The following LYPLAL1 variants were observed in gnomAD, a reference collection of about 807,000 sequenced individuals.
LYPLAL1 encodes the protein lysophospholipase-like protein 1.
Under a neutral mutation model 19.7 loss-of-function variants are expected in LYPLAL1, and 23 were observed. The ratio of observed to expected loss-of-function variants is 1.17; its 90% CI spans 0.84 to 1.65. The LOEUF (loss-of-function observed/expected upper bound fraction) is 1.65, where lower values mean the gene tolerates loss of function less well. Among genes scored for constraint, LYPLAL1 ranks in the 40% most tolerant of loss-of-function variants. LYPLAL1 has a pLI of 0.00. For missense variants in LYPLAL1, 355 were observed against 279.4 expected (o/e 1.27, Z -1.93); for synonymous variants, 119 against 96.3 (o/e 1.24, Z -1.38).
At chr1:219,318,922 T>A in the LYPLAL1 span, among the ~76,000 whole-genome samples, 1 of 152,216 alleles carries the variant, frequency 6.6e-6, no homozygotes, top group African/African-American at 2.4e-5. Flanking sequence ...AACCCTGTTT[T>A]TCTTTCCGGG....
chr1:219,397,644 GGTGTCAC>G, the LYPLAL1 span, among the ~76,000 whole-genome samples: 1 of 151,998 alleles, frequency 6.6e-6, no homozygotes, highest in Non-Finnish European at 1.5e-5. Flanking sequence ...GTTGCTTTAT[GGTGTCAC>G]TGGTTCATGT....
At chr1:219,225,654 T>C in the LYPLAL1 span, among the ~76,000 whole-genome samples, 1 of 152,176 alleles carries the variant, frequency 6.6e-6, no homozygotes, top group African/African-American at 2.4e-5. Context: ...TTATTTCCCA[T>C]GTGCCCTGAG....
chr1:219,277,832 T>C, the LYPLAL1 span, among the ~76,000 whole-genome samples: 1 of 152,220 alleles, frequency 6.6e-6, no homozygotes, highest in African/African-American at 2.4e-5. Context: ...TGAAAATTAA[T>C]TCAATTCACT....
chr1:219,418,436 T>C, the LYPLAL1 span, among the ~76,000 whole-genome samples: 212 of 152,328 alleles, frequency 1.4e-3, no homozygotes, highest in Non-Finnish European at 2.6e-3. Flanking sequence ...TAGCCCATCC[T>C]AGTGGTTCTG....
the LYPLAL1 span, among the ~76,000 whole-genome samples, chr1:219,247,717 G>T: frequency 2.0e-5 from 3 of 152,128 alleles, no homozygotes; most frequent in Non-Finnish European, 4.4e-5. Context: ...CTTAGGAGAG[G>T]CACCATGTTT....
the LYPLAL1 span, among the ~76,000 whole-genome samples, chr1:219,411,014 C>T: frequency 6.6e-6 from 1 of 152,242 alleles, no homozygotes; most frequent in Non-Finnish European, 1.5e-5. Flanking sequence ...TCCCATCAAC[C>T]ACCCAAGGGC....
At chr1:219,309,361 T>C in the LYPLAL1 span, among the ~76,000 whole-genome samples, 2 of 152,166 alleles carry the variant, frequency 1.3e-5, 1 homozygote, top group African/African-American at 4.8e-5. Context: ...CTGTGGACTT[T>C]TGGGTCAATG....
the LYPLAL1 span, among the ~76,000 whole-genome samples, chr1:219,309,061 C>T: frequency 1.3e-5 from 2 of 152,218 alleles, no homozygotes; most frequent in South Asian, 2.1e-4. Flanking sequence ...GAACCCACCT[C>T]TTGCATCAGC....
chr1:219,439,189 T>C, the LYPLAL1 span, among the ~76,000 whole-genome samples: 1 of 152,142 alleles, frequency 6.6e-6, no homozygotes, highest in Admixed American at 6.6e-5. Context: ...GCCTCACTGC[T>C]TCATAGGTAC....
At chr1:219,382,307 T>C in the LYPLAL1 span, among the ~76,000 whole-genome samples, 3 of 152,222 alleles carry the variant, frequency 2.0e-5, no homozygotes, top group Non-Finnish European at 4.4e-5. Flanking sequence ...AGACTCATGG[T>C]GAAGAAAAGC....
the LYPLAL1 span, among the ~76,000 whole-genome samples, chr1:219,236,259 G>A: frequency 6.6e-6 from 1 of 152,118 alleles, no homozygotes; most frequent in Admixed American, 6.5e-5. Flanking sequence ...GAAGAGGAGA[G>A]GCTAAGTTTT....
At chr1:219,399,747 C>T in the LYPLAL1 span, among the ~76,000 whole-genome samples, 1 of 152,142 alleles carries the variant, frequency 6.6e-6, no homozygotes, top group African/African-American at 2.4e-5. Flanking sequence ...GAGGCCAGGA[C>T]TAAGGGGTGC....
intron 3 of LYPLAL1, among the ~76,000 whole-genome samples, chr1:219,199,442 CTTT>C (rs796698708): frequency 6.9e-6 from 1 of 144,034 alleles, no homozygotes; most frequent in Non-Finnish European, 1.5e-5. Flanking sequence ...TAATACTGAT[CTTT>C]TTTTTTTTTT....
At chr1:219,435,293 G>A in the LYPLAL1 span, 1 of 152,174 alleles carries the variant, frequency 6.6e-6, no homozygotes, top group Non-Finnish European at 1.5e-5. Flanking sequence ...ATGCCACTAA[G>A]GACCCAGAAC....
chr1:219,243,767 A>G, the LYPLAL1 span, among the ~76,000 whole-genome samples: 1 of 151,926 alleles, frequency 6.6e-6, no homozygotes, highest in African/African-American at 2.4e-5. Flanking sequence ...AAAATACAAA[A>G]AATTAGCTGG....
chr1:219,179,774 G>A (rs1273720988), intron 2 of LYPLAL1, among the ~76,000 whole-genome samples: 7 of 152,122 alleles, frequency 4.6e-5, no homozygotes. Flanking sequence ...ATAACCTGTA[G>A]GTGTGTGCAA....
chr1:219,421,070 C>A, the LYPLAL1 span, among the ~76,000 whole-genome samples: 1 of 152,146 alleles, frequency 6.6e-6, no homozygotes, highest in Non-Finnish European at 1.5e-5. Flanking sequence ...GAGAAGTAAA[C>A]AATTTGCTTG....
chr1:219,298,052 G>C, the LYPLAL1 span, among the ~76,000 whole-genome samples: 1 of 152,162 alleles, frequency 6.6e-6, no homozygotes, highest in African/African-American at 2.4e-5. Context: ...GCTCATGCCT[G>C]TAATCCCAGC....
At chr1:219,228,356 G>A in the LYPLAL1 span, among the ~76,000 whole-genome samples, 5 of 152,112 alleles carry the variant, frequency 3.3e-5, no homozygotes, top group Admixed American at 1.3e-4. Context: ...GCAGATACCC[G>A]AATGTAATTA....
Sources: gnomAD v4.1 joint callset for allele counts (sites outside exome capture counted in the v4.1 genomes callset) on GRCh38, gnomAD v4.1.1 for gene constraint, MANE v1.5 for transcripts, NCBI Gene and HGNC (gene_info 2026-07-23, HGNC 2026-07-21) for gene names.